Variants in DPYD observed in about 807,000 individuals in gnomAD.
DPYD encodes dihydropyrimidine dehydrogenase [NADP(+)].
A neutral mutation model predicts 116.2 loss-of-function variants in DPYD; 109 were observed. The ratio of observed to expected loss-of-function variants is 0.94; its 90% CI spans 0.80 to 1.10. The LOEUF (loss-of-function observed/expected upper bound fraction) is 1.10, where lower values mean the gene tolerates loss of function less well. Among genes scored for constraint, DPYD ranks in the 50% least tolerant of loss-of-function variants. The pLI is 0.00. For missense variants in DPYD, 1,302 were observed against 1,254.5 expected, an observed-to-expected ratio of 1.04 and a Z score of -0.57; for synonymous variants, 440 against 432.0, an observed-to-expected ratio of 1.02 and a Z score of -0.23.
rs570623770 is a variant in DPYD, at chr1:97,288,659, C to G, written c.2299+16600G>C. ...CCAACGAGAACAAAGACACAACATA[C>G]CAGACTCTCTGGGACACATTCAAAG... On this transcript the variant is annotated intron_variant, in intron 18 of 22. Coordinates refer to ENST00000370192, the MANE Select transcript of DPYD (RefSeq NM_000110.4). 2.7e-4 allele frequency among the ~76,000 whole-genome samples: 38 copies of G among 142,358 alleles called. 1 individual carries two copies. The South Asian group carries it at 9.8e-3, about 37-fold the overall frequency. The allele number at this position is 142,358 out of a possible 152,430, so 93.4% of individuals were successfully genotyped here.
chr1:97,642,342 T>C (rs577521976), intron 8 of DPYD, among the ~76,000 whole-genome samples: 134 of 152,100 alleles, frequency 8.8e-4, no homozygotes, highest in Middle Eastern at 6.8e-3. Context: ...CTTCAAACTA[T>C]ACTACAGGGC....
intron 8 of DPYD, among the ~76,000 whole-genome samples, chr1:97,619,919 A>C: frequency 6.6e-6 from 1 of 152,176 alleles, no homozygotes; most frequent in East Asian, 1.9e-4. Context: ...ATCAAATTCA[A>C]ACATCTGTGA....
intron 18 of DPYD, among the ~76,000 whole-genome samples, chr1:97,247,536 C>G (rs1662798296): frequency 6.6e-6 from 1 of 152,078 alleles, no homozygotes; most frequent in Non-Finnish European, 1.5e-5. Context: ...ATGATAAAAA[C>G]TAGTAGTGAT....
At chr1:97,173,221 C>CGCACACATATAT (rs1557911269) in intron 20 of DPYD, among the ~76,000 whole-genome samples, 1 of 123,694 alleles carries the variant, frequency 8.1e-6, no homozygotes, top group African/African-American at 3.4e-5. Flanking sequence ...TACACATATA[C>CGCACACATATAT]GTACATATAT....
At chr1:97,571,808 T>G (rs956897149) in intron 11 of DPYD, among the ~76,000 whole-genome samples, 3 of 151,968 alleles carry the variant, frequency 2.0e-5, no homozygotes, top group African/African-American at 4.8e-5. Context: ...TTGAAACTAT[T>G]AAGATTTTAA....
chr1:97,912,292 G>A (rs1277622932), intron 1 of DPYD, among the ~76,000 whole-genome samples: 4 of 152,050 alleles, frequency 2.6e-5, no homozygotes, highest in Non-Finnish European at 4.4e-5. Flanking sequence ...AAAAAAAATT[G>A]TGCTGAAACA....
At chr1:97,630,899 T>C (rs759743151) in intron 8 of DPYD, among the ~76,000 whole-genome samples, 3 of 152,086 alleles carry the variant, frequency 2.0e-5, no homozygotes, top group Non-Finnish European at 4.4e-5. Context: ...ACAAAGCCCA[T>C]CAATAGGAAG....
chr1:97,344,496 C>T (rs1170956286), intron 16 of DPYD, among the ~76,000 whole-genome samples: 1 of 151,676 alleles, frequency 6.6e-6, no homozygotes, highest in Non-Finnish European at 1.5e-5. Flanking sequence ...TCTTTAAACC[C>T]TATGTTTATA....
intron 5 of DPYD, chr1:97,719,624 G>GT (rs916556863): frequency 8.1e-6 from 7 of 866,790 alleles, no homozygotes; most frequent in Non-Finnish European, 9.7e-6. Flanking sequence ...TCGTTTTGTT[G>GT]TTTTTTTAAC....
intron 2 of DPYD, among the ~76,000 whole-genome samples, chr1:97,870,975 T>C (rs1156535445): frequency 6.6e-6 from 1 of 151,922 alleles, no homozygotes; most frequent in African/African-American, 2.4e-5. Context: ...CTCACATATT[T>C]ATTTGCTATG....
In DPYD at chr1:97,701,817, A is replaced by G. The variant is rs182334238; in HGVS notation, c.484-2270T>C. On this transcript the variant is annotated intron_variant, in intron 5 of 22. Transcript: ENST00000370192. ...GTCATTTTCATTCTAATACTTTGTC[A>G]CTTTTACTGGTTTACTTATCTGTTT... Among the ~76,000 whole-genome samples, 116 of 151,998 alleles carry G rather than the reference A, an allele frequency of 7.6e-4. 3 individuals carry two copies. The highest frequency in any genetic ancestry group is 6.8e-3 in the Admixed American group (104 of 15,228).
intron 21 of DPYD, among the ~76,000 whole-genome samples, chr1:97,093,226 A>G (rs1028494917): frequency 6.6e-6 from 1 of 152,134 alleles, no homozygotes; most frequent in South Asian, 2.1e-4. Context: ...CTTTATGAGG[A>G]CAGAAGCTGT....
intron 2 of DPYD, among the ~76,000 whole-genome samples, chr1:97,836,332 G>C (rs1281935995): frequency 6.6e-6 from 1 of 152,130 alleles, no homozygotes; most frequent in Non-Finnish European, 1.5e-5. Flanking sequence ...TTTTGTTCAT[G>C]CATTTATTAG....
chr1:97,527,247 T>G (rs918112832), intron 12 of DPYD, among the ~76,000 whole-genome samples: 2 of 151,952 alleles, frequency 1.3e-5, no homozygotes, highest in South Asian at 4.2e-4. Context: ...CCCAGCTAAT[T>G]TTTGTATTTT....
intron 8 of DPYD, among the ~76,000 whole-genome samples, chr1:97,640,537 G>A (rs1657828288): frequency 6.6e-6 from 1 of 152,124 alleles, no homozygotes; most frequent in Admixed American, 6.5e-5. Flanking sequence ...TCAAACTCCT[G>A]ACTTGAGGTG....
At chr1:97,490,247 AACAGTT>A (rs1678892811) in intron 13 of DPYD, among the ~76,000 whole-genome samples, 1 of 151,262 alleles carries the variant, frequency 6.6e-6, no homozygotes, top group Non-Finnish European at 1.5e-5. Context: ...ACCGCTTACT[AACAGTT>A]TTATCAAGAA....
intron 10 of DPYD, among the ~76,000 whole-genome samples, chr1:97,583,184 T>G (rs1045618303): frequency 1.3e-5 from 2 of 152,170 alleles, no homozygotes; most frequent in Non-Finnish European, 2.9e-5. Flanking sequence ...TTAGCCAGGA[T>G]GGTCTCGAGC....
At chr1:97,381,482 C>T (rs557964586) in intron 15 of DPYD, among the ~76,000 whole-genome samples, 19 of 152,234 alleles carry the variant, frequency 1.2e-4, no homozygotes, top group African/African-American at 4.6e-4. Flanking sequence ...TAGGTAAATA[C>T]ATGTATCAAA....
intron 3 of DPYD, among the ~76,000 whole-genome samples, chr1:97,743,934 T>G (rs1664402316): frequency 6.6e-6 from 1 of 152,180 alleles, no homozygotes; most frequent in East Asian, 1.9e-4. Flanking sequence ...TTCCCCCAAA[T>G]AGTTGTTATA....
Sources: allele counts gnomAD v4.1 joint callset (sites outside exome capture counted in the v4.1 genomes callset), GRCh38; gene constraint gnomAD v4.1.1; transcripts MANE v1.5; gene names NCBI Gene and HGNC (gene_info 2026-07-23, HGNC 2026-07-21).